Variants in COL19A1 observed in about 807,000 individuals in gnomAD.
The protein encoded by COL19A1 is collagen type XIX alpha 1 chain.
A neutral mutation model predicts 190.2 loss-of-function variants in COL19A1; 159 were observed. The observed-to-expected ratio is 0.84, with a 90% CI of 0.73 to 0.95. The LOEUF (loss-of-function observed/expected upper bound fraction) is 0.95, where lower values mean the gene tolerates loss of function less well. Among genes scored for constraint, COL19A1 ranks in the 40% least tolerant of loss-of-function variants. COL19A1 has a pLI of 0.00. For synonymous variants in COL19A1, 509 were observed against 458.9 expected (o/e 1.11, Z -1.39); for missense variants, 1,418 against 1,431.9 (o/e 0.99, Z 0.16).
At chr6:70,176,412 G>T in intron 41 of COL19A1, 108 bp from the exon 42 acceptor site, 1 of 1,134,668 alleles carries the variant, frequency 8.8e-7, no homozygotes, top group Non-Finnish European at 1.3e-6. Context: ...ACACTTATCA[G>T]ATCCAAAGGA....
intron 4 of COL19A1, among the ~76,000 whole-genome samples, chr6:69,901,372 A>G (rs982408706): frequency 2.6e-5 from 4 of 152,228 alleles, no homozygotes; most frequent in Admixed American, 6.5e-5. Flanking sequence ...AGTTTCTTTT[A>G]AACCTATTTT....
At position 70,168,186 on chromosome 6, in the gene COL19A1, C is replaced by T. The variant is rs774305839; in HGVS notation, c.2512C>T (p.Pro838Ser). ...TCTTTTGAAGGGAGGTGTGAATGTT[C>T]CCAGTTACCCAGGGCCACCCGGTCC... ...LYKIKGGVNVPSYPGPPGPPG... is the reference protein window; with the variant it reads ...LYKIKGGVNVSSYPGPPGPPG... Residue 838 changes from proline to serine, a missense_variant, in exon 39 of 51, where the codon CCC becomes TCC. Coordinates refer to ENST00000620364, the MANE Select transcript of COL19A1 (RefSeq NM_001858.6). 4 of 1,612,752 alleles carry T rather than the reference C, an allele frequency of 2.5e-6. No homozygotes were observed. The highest frequency in any genetic ancestry group is 4.5e-5 in the East Asian group (2 of 44,800).
chr6:69,876,877 G>T (rs1768161667), intron 1 of COL19A1, among the ~76,000 whole-genome samples: 1 of 152,128 alleles, frequency 6.6e-6, no homozygotes, highest in Admixed American at 6.5e-5. Context: ...CTAGATGAGA[G>T]AATTCAAAAG....
chr6:70,151,108 G>C (rs1385279286), intron 30 of COL19A1, among the ~76,000 whole-genome samples: 4 of 152,106 alleles, frequency 2.6e-5, no homozygotes, highest in Non-Finnish European at 5.9e-5. Flanking sequence ...ACAGCATAAA[G>C]GTTGCCATGA....
intron 11 of COL19A1, among the ~76,000 whole-genome samples, chr6:69,994,819 C>T (rs974986270): frequency 2.0e-5 from 3 of 152,068 alleles, no homozygotes; most frequent in African/African-American, 4.8e-5. Flanking sequence ...CTGTGTGCCT[C>T]TATCCATTTG....
chr6:69,968,047 G>C (rs943111178), intron 11 of COL19A1, among the ~76,000 whole-genome samples: 54 of 152,230 alleles, frequency 3.5e-4, no homozygotes, highest in African/African-American at 1.3e-3. Flanking sequence ...CTAATTTTCA[G>C]ATGACATAAT....
intron 1 of COL19A1, among the ~76,000 whole-genome samples, chr6:69,872,004 A>G (rs1264000184): frequency 6.6e-6 from 1 of 151,902 alleles, no homozygotes; most frequent in African/African-American, 2.4e-5. Flanking sequence ...TTTGGTAGAG[A>G]CGGGTTTTCA....
At chr6:69,870,060 A>C (rs1353459610) in intron 1 of COL19A1, among the ~76,000 whole-genome samples, 1 of 152,140 alleles carries the variant, frequency 6.6e-6, no homozygotes, top group Admixed American at 6.5e-5. Flanking sequence ...TTTTTACTCT[A>C]TTTCTCCATC....
intron 1 of COL19A1, among the ~76,000 whole-genome samples, chr6:69,870,980 G>A (rs1767789559): frequency 1.3e-5 from 2 of 152,190 alleles, no homozygotes; most frequent in South Asian, 4.1e-4. Flanking sequence ...CTAAATTAAT[G>A]ATGATGCCTG....
intron 9 of COL19A1, among the ~76,000 whole-genome samples, chr6:69,949,123 G>A (rs1488668408): frequency 6.6e-6 from 1 of 151,706 alleles, no homozygotes; most frequent in East Asian, 1.9e-4. Flanking sequence ...ACTCTTAAAG[G>A]GTCTCACAGA....
intron 14 of COL19A1, among the ~76,000 whole-genome samples, chr6:70,063,069 G>T (rs12196689): frequency 6.6e-6 from 1 of 151,820 alleles, no homozygotes; most frequent in Non-Finnish European, 1.5e-5. Flanking sequence ...TTAGACAGAT[G>T]AATGAGACAG....
chr6:70,130,220 C>T lies in COL19A1; in HGVS notation c.1380C>T (p.Asp460=). Residue 460 remains aspartate (D), a synonymous_variant, in exon 18 of 51, where the codon GAC becomes GAT. Transcript: ENST00000620364. Reference sequence around the variant, plus strand: ...ATGAAGCTGGAGGCCTGAAAGGAGACAAGGTAATCAGATTTTTTTTTTTTA... The same window carrying T: ...ATGAAGCTGGAGGCCTGAAAGGAGATAAGGTAATCAGATTTTTTTTTTTTA... ...DEHEAGGLKG[D]KGETGLPGFP... 1 of 1,610,428 alleles carries T rather than the reference C, an allele frequency of 6.2e-7. No individual in the cohort carries two copies. The highest frequency in any genetic ancestry group is 1.1e-5 in the South Asian group (1 of 89,806).
At chr6:70,149,657 G>T in intron 27 of COL19A1, 47 bp from the exon 28 acceptor site, 2 of 1,603,872 alleles carry the variant, frequency 1.2e-6, no homozygotes, top group South Asian at 2.2e-5. Context: ...GATAATTTAT[G>T]GACATTCTTG....
intron 14 of COL19A1, among the ~76,000 whole-genome samples, chr6:70,062,063 C>G (rs957153435): frequency 4.0e-5 from 6 of 150,962 alleles, no homozygotes; most frequent in African/African-American, 1.5e-4. Flanking sequence ...TTTTTCCTAC[C>G]TAAATCAATA....
chr6:70,156,645 C>T (rs755667065), intron 33 of COL19A1, 25 bp from the exon 34 acceptor site: 53 of 1,609,176 alleles, frequency 3.3e-5, no homozygotes, highest in Non-Finnish European at 4.2e-5. Flanking sequence ...ATTGCATGTG[C>T]TAGCTGAATG....
chr6:70,034,635 A>G (rs945676229), intron 13 of COL19A1, among the ~76,000 whole-genome samples: 2 of 152,190 alleles, frequency 1.3e-5, no homozygotes, highest in Non-Finnish European at 2.9e-5. Context: ...CATAATGGTG[A>G]GGCAAGTGGC....
At chr6:70,065,145 G>C (rs563699948) in intron 14 of COL19A1, among the ~76,000 whole-genome samples, 32 of 152,250 alleles carry the variant, frequency 2.1e-4, no homozygotes, top group South Asian at 6.2e-4. Context: ...AGCCAGCATT[G>C]CCAAGTCAAT....
chr6:69,937,176 C>T (rs1253365831), intron 8 of COL19A1, among the ~76,000 whole-genome samples: 1 of 152,156 alleles, frequency 6.6e-6, no homozygotes, highest in African/African-American at 2.4e-5. Flanking sequence ...ACCTGTACAA[C>T]AGGCAAGTAC....
At chr6:70,164,320 AG>A (rs1387150384) in intron 36 of COL19A1, among the ~76,000 whole-genome samples, 2 of 152,128 alleles carry the variant, frequency 1.3e-5, no homozygotes, top group Non-Finnish European at 2.9e-5. Flanking sequence ...AGATCCAGCA[AG>A]TAAGTGGAAT....
Sources: gnomAD v4.1 joint callset for allele counts (sites outside exome capture counted in the v4.1 genomes callset) on GRCh38, gnomAD v4.1.1 for gene constraint, MANE v1.5 for transcripts, NCBI Gene and HGNC (gene_info 2026-07-23, HGNC 2026-07-21) for gene names.